The following TNXB variants were observed in gnomAD, a reference collection of about 807,000 sequenced individuals.
TNXB encodes the protein tenascin-X.
In TNXB, 183 loss-of-function variants were observed where a neutral mutation model predicts 340.5. That is an observed-to-expected ratio of 0.54 (90% CI 0.48 to 0.61). TNXB has a LOEUF of 0.61. Ranked by LOEUF, TNXB falls within the 20% of genes least tolerant of loss-of-function variation. The pLI is 0.00. For synonymous variants in TNXB, 2,121 were observed against 2,314.5 expected (o/e 0.92, Z 2.40); for missense variants, 4,613 against 5,446.4 (o/e 0.85, Z 4.82).
chr6:32,068,272 C>G lies in TNXB; in HGVS notation c.6220+118G>C. 1 of 1,421,426 alleles carries G rather than the reference C, an allele frequency of 7.0e-7. No homozygotes were observed. 88.1% of individuals were successfully genotyped at this position (1,421,426 alleles called of 1,614,324 possible). On this transcript the variant is annotated intron_variant, in intron 17 of 43. Coordinates refer to ENST00000644971, the MANE Select transcript of TNXB (RefSeq NM_001365276.2). This position sits in a 1 kb window ranked among gnomAD's most constrained non-coding sequence, Gnocchi z 5.3. The stretch of plus-strand genomic sequence containing the variant: ...GCCCAAGGGGAGCCCCAGCCCCAGC[C>G]ACAAGCAGGTCTGTGGTGCTGACCA...
intron 6 of TNXB, among the ~76,000 whole-genome samples, chr6:32,086,858 C>A (rs1779807156): frequency 6.6e-6 from 1 of 152,256 alleles, no homozygotes; most frequent in Admixed American, 6.5e-5. Context: ...AGTCTTCAGC[C>A]ACTCTCACCA....
rs1779483881 is a variant in TNXB at position 32,082,015 on chromosome 6, G to A, written c.3736+21C>T. 1 of 1,589,848 alleles carries A rather than the reference G, an allele frequency of 6.3e-7. No homozygotes were observed. On this transcript the variant is annotated intron_variant, in intron 9 of 43. Transcript: ENST00000644971. The surrounding 1 kb of genome is among the most constrained non-coding windows in gnomAD (Gnocchi z 5.0). Reference sequence around the variant, plus strand: ...GGGGCTGAGAAGGGGTCACATGGGGGCTGAGGTGGCTGCTACTCACCAGTG... The same window carrying A: ...GGGGCTGAGAAGGGGTCACATGGGGACTGAGGTGGCTGCTACTCACCAGTG...
In TNXB at chr6:32,048,500, G is replaced by A; in HGVS notation, c.9908C>T (p.Pro3303Leu). ...GTCTCCGCTCACAGGCACTGCCTGG[G>A]GCTGCCCCTGCGCGTCCCTGTACTG... The part of the protein sequence containing the change: ...LVQYRDAQGQ[P>L]QAVPVSGDLR... Residue 3303 changes from proline (P) to leucine (L), a missense_variant, in exon 29 of 44, where the codon CCC becomes CTC. Coordinates refer to ENST00000644971, the MANE Select transcript of TNXB (RefSeq NM_001365276.2). 6.2e-7 allele frequency: 1 copy of A among 1,601,776 alleles called. No individual in the cohort carries two copies. Among genetic ancestry groups the A allele is most frequent in the Non-Finnish European group, 8.5e-7 (1 of 1,175,172 alleles).
In TNXB at chr6:32,096,866, G is replaced by T. The variant is rs1424686314; in HGVS notation, c.987C>A (p.Asp329Glu). The T allele has an allele frequency of 6.2e-7, 1 of 1,604,450 alleles. No individual in the cohort carries two copies. The highest frequency in any genetic ancestry group is 8.5e-7 in the Non-Finnish European group (1 of 1,176,536). ...GRCKDGRCVC[D>E]PGYTGEDCGT... ...CACAGTCCTCGCCAGTGTAGCCGGG[G>T]TCACACACGCAGCGCCCGTCCTTGC... The change falls in exon 3 of 44, where the codon GAC becomes GAA. Residue 329 changes from aspartate to glutamate, a missense_variant. Physicochemically the swap from Asp to Glu is conservative, Grantham distance 45 (BLOSUM62 2). Transcript: ENST00000644971.
At position 32,064,987 on chromosome 6, in the gene TNXB, C is replaced by A; in HGVS notation, c.6675G>T (p.Leu2225Phe). The A allele has an allele frequency of 1.2e-6, 2 of 1,612,632 alleles. No individual in the cohort carries two copies. The highest frequency in any genetic ancestry group is 1.7e-6 in the Non-Finnish European group (2 of 1,179,750). Residue 2225 changes from leucine (L) to phenylalanine (F), a missense_variant, in exon 19 of 44, where the codon TTG becomes TTT. This residue lies in a region of TNXB where 4,327 missense variants were observed against 4,859.4 expected (regional missense o/e 0.89). Coordinates refer to ENST00000644971, the MANE Select transcript of TNXB (RefSeq NM_001365276.2). This position sits in a 1 kb window ranked among gnomAD's most constrained non-coding sequence, Gnocchi z 5.3. ...GCCCGTCCCCATTCTTAAACTGGAC[C>A]AAGAAATGGTCAAACTGGCCCTCGG... ...TVPEGQFDHFLVQFKNGDGQP... is the reference protein window; with the variant it reads ...TVPEGQFDHFFVQFKNGDGQP...
rs541600049 is a variant in TNXB at position 32,079,228 on chromosome 6, C to T, written c.4180G>A (p.Val1394Ile). 5.6e-5 allele frequency: 90 copies of T among 1,613,766 alleles called. No individual in the cohort carries two copies. The highest frequency in any genetic ancestry group is 7.3e-5 in the Non-Finnish European group (86 of 1,179,868). ...AAAGAGTCGAAGCTGCCCTGGGGGACGGTCCAGAAGAGGCTCAGCGAATCA... is the reference window on the plus strand; with the variant it reads ...AAAGAGTCGAAGCTGCCCTGGGGGATGGTCCAGAAGAGGCTCAGCGAATCA... ...SPDSLSLFWTVPQGSFDSFTV... is the reference protein window; with the variant it reads ...SPDSLSLFWTIPQGSFDSFTV... Residue 1394 changes from valine (V) to isoleucine (I), a missense_variant, in exon 11 of 44, where the codon GTC becomes ATC. Around this residue, in one of 7 missense-constraint regions of TNXB, gnomAD observed 4,327 missense variants for 4,859.4 expected, o/e 0.89. Transcript: ENST00000644971. The surrounding 1 kb of genome is among the most constrained non-coding windows in gnomAD (Gnocchi z 7.1).
At chr6:32,063,671 A>G (rs1005762102) in intron 19 of TNXB, among the ~76,000 whole-genome samples, 3 of 152,152 alleles carry the variant, frequency 2.0e-5, no homozygotes, top group South Asian at 2.1e-4. Flanking sequence ...TGTGAAATCA[A>G]TTGCTTTGTT....
rs754433724 is a variant in TNXB, at chr6:32,062,221, C to A, written c.7104G>T (p.Lys2368Asn). 6.2e-7 allele frequency: 1 copy of A among 1,613,314 alleles called. No individual in the cohort carries two copies. Among genetic ancestry groups the A allele is most frequent in the South Asian group, 1.1e-5 (1 of 91,084 alleles). Residue 2368 changes from lysine (K) to asparagine (N), a missense_variant, in exon 20 of 44, where the codon AAG becomes AAT. Physicochemically the swap from Lys to Asn is moderately conservative, Grantham distance 94. Around this residue, in one of 7 missense-constraint regions of TNXB, gnomAD observed 4,327 missense variants for 4,859.4 expected, o/e 0.89. Coordinates refer to ENST00000644971, the MANE Select transcript of TNXB (RefSeq NM_001365276.2). This position sits in a 1 kb window ranked among gnomAD's most constrained non-coding sequence, Gnocchi z 4.3. ...CACCGTGGAAGCCGTACAGGTTCAT[C>A]TTGTACTTGTTGTCTGGCTCCAGGC... ...ISGLEPDNKY[K>N]MNLYGFHGGQ...
rs1399120055 is a variant in TNXB, at chr6:32,044,138, G to A, written c.11264-9C>T. 6.7e-7 allele frequency: 1 copy of A among 1,483,548 alleles called. No individual in the cohort carries two copies. The highest frequency in any genetic ancestry group is 9.2e-7 in the Non-Finnish European group (1 of 1,090,532). 91.9% of individuals were successfully genotyped at this position (1,483,548 alleles called of 1,614,324 possible). On this transcript the variant is annotated splice_polypyrimidine_tract_variant and intron_variant, in intron 33 of 43. Coordinates refer to ENST00000644971, the MANE Select transcript of TNXB (RefSeq NM_001365276.2). Reference sequence around the variant, plus strand: ...ACGGGGGCTCTCCAGAACTGCAGAGGGGTCAAGGAACAATGACGCAGGCAG... The same window carrying A: ...ACGGGGGCTCTCCAGAACTGCAGAGAGGTCAAGGAACAATGACGCAGGCAG...
intron 22 of TNXB, among the ~76,000 whole-genome samples, chr6:32,057,511 T>A (rs1314643185): frequency 6.6e-6 from 1 of 152,148 alleles, no homozygotes; most frequent in Non-Finnish European, 1.5e-5. Context: ...CGGATGAGCT[T>A]CACACAGGCA....
Position 32,068,947 on chromosome 6 carries a change from C to G in TNXB, c.5777G>C (p.Arg1926Pro). Residue 1926 changes from arginine to proline, a missense_variant, in exon 16 of 44, where the codon CGC (arginine) becomes CCC (proline). By Grantham distance (103) the Arg-to-Pro change is moderately radical. Transcript: ENST00000644971. The surrounding 1 kb of genome is among the most constrained non-coding windows in gnomAD (Gnocchi z 5.3). Reference sequence around the variant, plus strand: ...GATGTCATTCCGGTCACCTCCTATGCGGACCATTTGGAGTTGCCCGTCTCT... The same window carrying G: ...GATGTCATTCCGGTCACCTCCTATGGGGACCATTTGGAGTTGCCCGTCTCT... ...TDRDGQLQMV[R>P]IGGDRNDITL... is the part of the protein sequence containing the mutation. The G allele has an allele frequency of 6.2e-7, 1 of 1,612,880 alleles. No individual in the cohort carries two copies. Among genetic ancestry groups the G allele is most frequent in the Non-Finnish European group, 8.5e-7 (1 of 1,179,882 alleles).
chr6:32,100,321 TC>T (rs1205619951), intron 1 of TNXB, among the ~76,000 whole-genome samples: 1 of 151,656 alleles, frequency 6.6e-6, no homozygotes, highest in Non-Finnish European at 1.5e-5. Flanking sequence ...GCCAGGCTGG[TC>T]TCAAACTCCT....
At chr6:32,043,395 C>T (rs1174612652) in intron 36 of TNXB, 42 bp downstream of exon 36, 1 of 467,062 alleles carries the variant, frequency 2.1e-6, no homozygotes, top group East Asian at 3.2e-5. Flanking sequence ...CTGCAATCCC[C>T]ACCCTGAACA....
chr6:32,102,611 C>T (rs1288432468), intron 1 of TNXB, among the ~76,000 whole-genome samples: 1 of 152,124 alleles, frequency 6.6e-6, no homozygotes, highest in Non-Finnish European at 1.5e-5. Context: ...TGAATAATGC[C>T]GTTTATATGA....
At position 32,086,023 on chromosome 6, in the gene TNXB, G is replaced by T; in HGVS notation, c.2875C>A (p.Arg959Ser). ...QGAQAPLLQQ[R>S]PQELGELRVL... is the part of the protein sequence containing the mutation. ...CTCAACTCTCCCAGCTCCTGGGGGCGCTGCTGCAGGAGAGGAGCCTGGGCC... is the reference window on the plus strand; with the variant it reads ...CTCAACTCTCCCAGCTCCTGGGGGCTCTGCTGCAGGAGAGGAGCCTGGGCC... The change falls in exon 7 of 44, where the codon CGC becomes AGC. Residue 959 changes from arginine to serine, a missense_variant. Arg to Ser is a moderately radical substitution (Grantham distance 110). Coordinates refer to ENST00000644971, the MANE Select transcript of TNXB (RefSeq NM_001365276.2). 6.2e-7 allele frequency: 1 copy of T among 1,605,856 alleles called. No individual in the cohort carries two copies. The highest frequency in any genetic ancestry group is 8.5e-7 in the Non-Finnish European group (1 of 1,177,980).
In TNXB at chr6:32,062,143, C is replaced by T; in HGVS notation, c.7168+14G>A. 1 of 1,606,558 alleles carries T rather than the reference C, an allele frequency of 6.2e-7. No homozygotes were observed. The highest frequency in any genetic ancestry group is 8.5e-7 in the Non-Finnish European group (1 of 1,175,208). ...CCCATGGCTCCCACCCTGGGGCTCC[C>T]ATCGTCCACTCACCTGTCACCCCGA... On this transcript the variant is annotated intron_variant, in intron 20 of 43. Transcript: ENST00000644971. This position sits in a 1 kb window ranked among gnomAD's most constrained non-coding sequence, Gnocchi z 4.3.
In TNXB at chr6:32,082,029, T is replaced by C; in HGVS notation, c.3736+7A>G. Reference sequence around the variant, plus strand: ...GTCACATGGGGGCTGAGGTGGCTGCTACTCACCAGTGGTGCCATCGGCCGT... The same window carrying C: ...GTCACATGGGGGCTGAGGTGGCTGCCACTCACCAGTGGTGCCATCGGCCGT... On this transcript the variant is annotated splice_region_variant and intron_variant, in intron 9 of 43. Coordinates refer to ENST00000644971, the MANE Select transcript of TNXB (RefSeq NM_001365276.2). The surrounding 1 kb of genome is among the most constrained non-coding windows in gnomAD (Gnocchi z 5.0). 1 of 1,598,392 alleles carries C rather than the reference T, an allele frequency of 6.3e-7. No individual in the cohort carries two copies. The highest frequency in any genetic ancestry group is 1.3e-5 in the African/African-American group (1 of 74,882).
Position 32,062,163 on chromosome 6 carries a change from C to T in TNXB, c.7162G>A (p.Val2388Met), listed in dbSNP as rs778426181. The change falls in exon 20 of 44, where the codon GTG (valine) becomes ATG (methionine). Residue 2388 changes from valine to methionine, a missense_variant. Physicochemically the swap from Val to Met is conservative, Grantham distance 21 (BLOSUM62 1). Transcript: ENST00000644971. This position sits in a 1 kb window ranked among gnomAD's most constrained non-coding sequence, Gnocchi z 4.3. ...QRVGPVSAIG[V>M]TAAEEETPSP... ...GCTCCCATCGTCCACTCACCTGTCA[C>T]CCCGATGGCAGACACGGGGCCCACA... The T allele has an allele frequency of 3.7e-6, 6 of 1,610,626 alleles. No homozygotes were observed. In the East Asian group the frequency reaches 1.3e-4, roughly 36 times the overall value.
rs1019747114 is a variant in TNXB at position 32,074,109 on chromosome 6, C to T, written c.4376-157G>A. On this transcript the variant is annotated intron_variant, in intron 11 of 43. Transcript: ENST00000644971. This position sits in a 1 kb window ranked among gnomAD's most constrained non-coding sequence, Gnocchi z 5.5. ...TCGGCTCACTGCAGCCTCTGCCTCC[C>T]GGGTTCAAGCGATCCTCCTGCCTTA... 1.2e-4 allele frequency among the ~76,000 whole-genome samples: 19 copies of T among 152,198 alleles called. No homozygotes were observed. The highest frequency in any genetic ancestry group is 4.1e-4 in the African/African-American group (17 of 41,454).
Sources: allele counts gnomAD v4.1 joint callset (sites outside exome capture counted in the v4.1 genomes callset), GRCh38; gene constraint gnomAD v4.1.1; regional missense constraint gnomAD v4.1.1; non-coding constraint Gnocchi (gnomAD v3.1); transcripts MANE v1.5; gene names NCBI Gene and HGNC (gene_info 2026-07-23, HGNC 2026-07-21).